CYRIA: variants seen among roughly 807,000 people sequenced by gnomAD.
The protein encoded by CYRIA is CYFIP related Rac1 interactor A, also known as CYFIP-related Rac1 interactor A.
Under a neutral mutation model 43.9 loss-of-function variants are expected in CYRIA, and 15 were observed. The observed-to-expected ratio is 0.34, with a 90% CI of 0.23 to 0.53. The LOEUF is 0.53. Ranked by LOEUF, CYRIA falls within the 20% of genes least tolerant of loss-of-function variation. The pLI is 0.94. For missense variants in CYRIA, 236 were observed against 394.2 expected, an observed-to-expected ratio of 0.60 and a Z score of 3.40; for synonymous variants, 117 against 136.0, an observed-to-expected ratio of 0.86 and a Z score of 0.97.
At chr2:16,573,262 G>A (rs905595705) in intron 3 of CYRIA, among the ~76,000 whole-genome samples, 2 of 152,216 alleles carry the variant, frequency 1.3e-5, no homozygotes, top group African/African-American at 2.4e-5. Flanking sequence ...GTACAACAAT[G>A]AGGAGACAAA....
At chr2:16,554,723 G>C (rs952315588) in intron 11 of CYRIA, among the ~76,000 whole-genome samples, 1 of 152,152 alleles carries the variant, frequency 6.6e-6, no homozygotes, top group African/African-American at 2.4e-5. Context: ...GAAAGTGAGA[G>C]CCTGGAAGCC....
At chr2:16,582,634 C>T (rs904473315) in intron 3 of CYRIA, among the ~76,000 whole-genome samples, 3 of 152,164 alleles carry the variant, frequency 2.0e-5, no homozygotes, top group African/African-American at 7.2e-5. Flanking sequence ...TTGTAACTAG[C>T]TTCTTTCACT....
rs527345993 is a variant in CYRIA, at chr2:16,559,517, G to A, written c.780C>T (p.Ile260=). ...MFCMRVMVGV[I]ILYDHVHPVG... ...CAGGGTGGACATGGTCATAGAGGAT[G>A]ATGACTCCCACCATCACCCTCATGC... The change falls in exon 10 of 12, where the codon ATC becomes ATT. Residue 260 remains isoleucine (I), a synonymous_variant. Transcript: ENST00000381323. 1.9e-6 allele frequency: 3 copies of A among 1,613,252 alleles called. No individual in the cohort carries two copies. The African/African-American group carries it at 4.0e-5, about 22-fold the overall frequency.
intron 3 of CYRIA, among the ~76,000 whole-genome samples, chr2:16,579,217 T>G (rs1363812880): frequency 3.3e-5 from 5 of 152,148 alleles, no homozygotes; most frequent in Non-Finnish European, 7.4e-5. Context: ...GAAAGTTAGA[T>G]AGCAATATAT....
At chr2:16,592,299 G>T (rs1446746590) in intron 2 of CYRIA, among the ~76,000 whole-genome samples, 1 of 152,112 alleles carries the variant, frequency 6.6e-6, no homozygotes, top group African/African-American at 2.4e-5. Context: ...CTGGTATAAG[G>T]TCTTGGCTAC....
intron 1 of CYRIA, among the ~76,000 whole-genome samples, chr2:16,634,948 T>C (rs1216101194): frequency 1.3e-5 from 2 of 152,252 alleles, no homozygotes; most frequent in African/African-American, 2.4e-5. Flanking sequence ...AGCAAACCAC[T>C]GAATGGATCC....
intron 3 of CYRIA, among the ~76,000 whole-genome samples, chr2:16,580,289 T>C (rs993434972): frequency 1.3e-5 from 2 of 152,094 alleles, no homozygotes; most frequent in Admixed American, 1.3e-4. Context: ...GGACCAGCTA[T>C]ATGTTGTTTA....
Position 16,552,374 on chromosome 2 carries a change from A to G in CYRIA, c.*562T>C, listed in dbSNP as rs1423708731. ...ATATAAATCCAAACAGAAAAGGAGT[A>G]TGCTGATTAATAAAACACGTGCAAA... On this transcript the variant is annotated 3_prime_UTR_variant, in exon 12 of 12. Transcript: ENST00000381323. The G allele has an allele frequency of 6.6e-6, 1 of 152,260 alleles. No homozygotes were observed. The highest frequency in any genetic ancestry group is 2.4e-5 in the African/African-American group (1 of 41,430). The allele number at this position is 152,260 out of a possible 1,614,324, so 9.4% of individuals were successfully genotyped here.
chr2:16,587,482 T>C (rs919145627), intron 3 of CYRIA, among the ~76,000 whole-genome samples: 3 of 151,966 alleles, frequency 2.0e-5, no homozygotes, highest in African/African-American at 7.3e-5. Flanking sequence ...AAGAAAACCA[T>C]GGGTACATTA....
chr2:16,641,266 T>C (rs760349274), intron 1 of CYRIA, among the ~76,000 whole-genome samples: 14 of 152,184 alleles, frequency 9.2e-5, no homozygotes, highest in Admixed American at 4.6e-4. Flanking sequence ...GCCCTCTTCA[T>C]TGAGTCCCTG....
Position 16,660,644 on chromosome 2 carries a change from C to A in CYRIA, c.-167+5136G>T, listed in dbSNP as rs535802902. 3.5e-4 allele frequency among the ~76,000 whole-genome samples: 54 copies of A among 152,328 alleles called. 1 individual carries two copies. The Middle Eastern group carries it at 0.031, about 86-fold the overall frequency. The stretch of plus-strand genomic sequence containing the variant: ...TACATATTTGTCAAATGAATAATCT[C>A]ATTTTTATGCTTGATCCATCGTAAA... On this transcript the variant is annotated intron_variant, in intron 1 of 11. Transcript: ENST00000381323.
chr2:16,590,036 C>A (rs988282385), intron 2 of CYRIA, among the ~76,000 whole-genome samples: 2 of 151,382 alleles, frequency 1.3e-5, no homozygotes, highest in African/African-American at 4.9e-5. Flanking sequence ...CATCTCTCAC[C>A]TTGAGGTGTA....
chr2:16,665,707 C>T (rs187433142), intron 1 of CYRIA, 73 bp downstream of exon 1: 1 of 149,002 alleles, frequency 6.7e-6, no homozygotes, highest in Non-Finnish European at 1.5e-5. Context: ...CGCGGTGCCC[C>T]GTGCAGGCCG....
At chr2:16,633,645 T>G (rs1264884454) in intron 1 of CYRIA, among the ~76,000 whole-genome samples, 1 of 143,046 alleles carries the variant, frequency 7.0e-6, no homozygotes, top group Non-Finnish European at 1.5e-5. Context: ...CCTCCCACGG[T>G]GCTGGGATTA....
chr2:16,567,153 C>T (rs972176093), intron 3 of CYRIA, among the ~76,000 whole-genome samples: 58 of 152,256 alleles, frequency 3.8e-4, no homozygotes, highest in African/African-American at 1.4e-3. Flanking sequence ...CACTTGTAAT[C>T]CCAGCATTTT....
chr2:16,573,261 T>C (rs1213429387), intron 3 of CYRIA, among the ~76,000 whole-genome samples: 1 of 152,198 alleles, frequency 6.6e-6, no homozygotes, highest in Non-Finnish European at 1.5e-5. Flanking sequence ...TGTACAACAA[T>C]GAGGAGACAA....
chr2:16,610,228 T>C (rs1488504866), intron 2 of CYRIA, among the ~76,000 whole-genome samples: 2 of 152,206 alleles, frequency 1.3e-5, no homozygotes, highest in Non-Finnish European at 2.9e-5. Flanking sequence ...ACGAGAACAC[T>C]GAAGCAAGTG....
chr2:16,565,635 C>A lies in CYRIA; in HGVS notation c.192+11G>T, dbSNP rs1181212682. ...TCGGGTGTTGTCAGTTCAGCGTGATCATTGACATACATCTCGGATCTCTGG... is the reference window on the plus strand; with the variant it reads ...TCGGGTGTTGTCAGTTCAGCGTGATAATTGACATACATCTCGGATCTCTGG... On this transcript the variant is annotated intron_variant, in intron 4 of 11. Transcript: ENST00000381323. 1.3e-6 allele frequency: 2 copies of A among 1,550,486 alleles called. No individual in the cohort carries two copies. The highest frequency in any genetic ancestry group is 1.8e-6 in the Non-Finnish European group (2 of 1,135,430).
chr2:16,654,907 A>G (rs1232940484), intron 1 of CYRIA, among the ~76,000 whole-genome samples: 3 of 152,226 alleles, frequency 2.0e-5, no homozygotes, highest in Admixed American at 2.0e-4. Context: ...TCACATTCAT[A>G]TACCACAAAT....
Sources: gnomAD v4.1 joint callset for allele counts (sites outside exome capture counted in the v4.1 genomes callset) on GRCh38, gnomAD v4.1.1 for gene constraint, MANE v1.5 for transcripts, NCBI Gene and HGNC (gene_info 2026-07-23, HGNC 2026-07-21) for gene names.